Variants in CRACDL observed in about 807,000 individuals in gnomAD.
CRACDL encodes CRACD-like protein.
CRACDL carries 26 observed loss-of-function variants against 70.6 expected under a neutral mutation model. That is an observed-to-expected ratio of 0.37 (90% CI 0.27 to 0.51). The LOEUF (loss-of-function observed/expected upper bound fraction) is 0.51. CRACDL is among the 20% of genes least tolerant of loss of function. The pLI is 0.94. For synonymous variants in CRACDL, 618 were observed against 615.2 expected (o/e 1.00, Z -0.07); for missense variants, 1,283 against 1,376.9 (o/e 0.93, Z 1.08).
chr2:98,925,195 G>C (rs1708884420), intron 1 of CRACDL, among the ~76,000 whole-genome samples: 1 of 152,188 alleles, frequency 6.6e-6, no homozygotes, highest in African/African-American at 2.4e-5. Flanking sequence ...GGACTTCAAG[G>C]AGGAGGAAGG....
intron 1 of CRACDL, among the ~76,000 whole-genome samples, chr2:98,915,443 C>G (rs748521209): frequency 3.3e-5 from 5 of 152,062 alleles, no homozygotes; most frequent in Non-Finnish European, 7.4e-5. Context: ...CCATAGGGAC[C>G]AGGGATGCCC....
intron 1 of CRACDL, among the ~76,000 whole-genome samples, chr2:98,927,661 A>G (rs1708967101): frequency 1.3e-5 from 2 of 152,190 alleles, no homozygotes; most frequent in African/African-American, 4.8e-5. Flanking sequence ...TGCACAAAAC[A>G]TCACAATTTT....
At chr2:98,806,625 C>T (rs1327001305) in intron 7 of CRACDL, among the ~76,000 whole-genome samples, 1 of 152,228 alleles carries the variant, frequency 6.6e-6, no homozygotes, top group Non-Finnish European at 1.5e-5. Flanking sequence ...AGGCAATGAC[C>T]ACTCTACCTC....
At chr2:98,888,028 C>T (rs1308381721) in intron 1 of CRACDL, among the ~76,000 whole-genome samples, 1 of 152,146 alleles carries the variant, frequency 6.6e-6, no homozygotes, top group Non-Finnish European at 1.5e-5. Flanking sequence ...TGCACTGTCA[C>T]TAGATCATTC....
intron 1 of CRACDL, among the ~76,000 whole-genome samples, chr2:98,920,935 C>T (rs955746733): frequency 2.0e-5 from 3 of 152,148 alleles, no homozygotes; most frequent in Admixed American, 2.0e-4. Flanking sequence ...CCTGTTCCTC[C>T]CTGCTCACTC....
intron 2 of CRACDL, among the ~76,000 whole-genome samples, chr2:98,844,805 C>T (rs1217459539): frequency 6.6e-6 from 1 of 152,154 alleles, no homozygotes; most frequent in African/African-American, 2.4e-5. Flanking sequence ...ATAGAAGGCA[C>T]CTTCCTTTAG....
At chr2:98,869,038 C>T (rs540840193) in intron 1 of CRACDL, 44 of 1,268,848 alleles carry the variant, frequency 3.5e-5, no homozygotes, top group Middle Eastern at 4.7e-4. Flanking sequence ...CCCTCCCTCG[C>T]GACTCTCCCC....
At chr2:98,876,044 T>C (rs867377376) in intron 1 of CRACDL, among the ~76,000 whole-genome samples, 10 of 152,332 alleles carry the variant, frequency 6.6e-5, no homozygotes, top group Middle Eastern at 3.4e-3. Flanking sequence ...AACTGGTTTC[T>C]TACACTTGAG....
intron 1 of CRACDL, among the ~76,000 whole-genome samples, chr2:98,912,494 C>A (rs1373242791): frequency 6.6e-6 from 1 of 152,228 alleles, no homozygotes; most frequent in Non-Finnish European, 1.5e-5. Flanking sequence ...TGCGGCTTTG[C>A]AAGGCCTGGT....
intron 1 of CRACDL, among the ~76,000 whole-genome samples, chr2:98,870,778 T>G (rs921710747): frequency 1.3e-5 from 2 of 152,232 alleles, no homozygotes; most frequent in Non-Finnish European, 2.9e-5. Flanking sequence ...TGCTTTCGCC[T>G]GCTCTGGGCA....
At chr2:98,807,203 A>G (rs1178477221) in intron 7 of CRACDL, among the ~76,000 whole-genome samples, 3 of 152,222 alleles carry the variant, frequency 2.0e-5, no homozygotes, top group Admixed American at 6.5e-5. Context: ...ATTTGAACAC[A>G]GACCTCTTGA....
intron 1 of CRACDL, among the ~76,000 whole-genome samples, chr2:98,918,580 T>G (rs1435771807): frequency 7.8e-6 from 1 of 128,118 alleles, no homozygotes; most frequent in Non-Finnish European, 1.6e-5. Flanking sequence ...TTCCCTTTTC[T>G]CCTCATCCAT....
intron 6 of CRACDL, among the ~76,000 whole-genome samples, chr2:98,826,222 G>A (rs1705294993): frequency 6.6e-6 from 1 of 152,218 alleles, no homozygotes; most frequent in Non-Finnish European, 1.5e-5. Flanking sequence ...CACCCAAAGA[G>A]GGGTCTGTCT....
In CRACDL at chr2:98,822,485, G is replaced by A. The variant is rs1430702121; in HGVS notation, c.1788C>T (p.Gly596=). ...GGCCGCTCCTCGCGAGGGGCAGGCGGCCGCTGGCCCGTTCCAGCGGGCGGG... is the reference window on the plus strand; with the variant it reads ...GGCCGCTCCTCGCGAGGGGCAGGCGACCGCTGGCCCGTTCCAGCGGGCGGG... ...GVSRPLERAS[G]RLPLARSGPV... Residue 596 remains glycine, a synonymous_variant, in exon 7 of 10, where the codon GGC becomes GGT. Transcript: ENST00000397899. The surrounding 1 kb of genome is among the most constrained non-coding windows in gnomAD (Gnocchi z 4.9). 4 of 1,465,686 alleles carry A rather than the reference G, an allele frequency of 2.7e-6. No individual in the cohort carries two copies. Among genetic ancestry groups the A allele is most frequent in the African/African-American group, 3.0e-5 (2 of 67,550 alleles). The allele number at this position is 1,465,686 out of a possible 1,614,324, so 90.8% of individuals were successfully genotyped here. A position where few individuals can be genotyped will look rare whatever the true frequency, so the allele number is the denominator to read the frequency against.
intron 7 of CRACDL, among the ~76,000 whole-genome samples, chr2:98,801,348 C>CT (rs1379606250): frequency 6.6e-6 from 1 of 152,200 alleles, no homozygotes; most frequent in African/African-American, 2.4e-5. Flanking sequence ...CCTGAGATTC[C>CT]ACCTGGAGCC....
At chr2:98,796,001 T>C in intron 9 of CRACDL, 119 bp downstream of exon 9, 1 of 869,348 alleles carries the variant, frequency 1.2e-6, no homozygotes, top group Admixed American at 1.8e-5. Flanking sequence ...GTAAGAGCTG[T>C]GTAGAAAACT....
At chr2:98,893,697 C>T (rs1462386684) in intron 1 of CRACDL, among the ~76,000 whole-genome samples, 1 of 152,116 alleles carries the variant, frequency 6.6e-6, no homozygotes, top group Non-Finnish European at 1.5e-5. Context: ...TCTATTGCTT[C>T]TGTAGTGTAT....
At chr2:98,908,269 C>T (rs998054324) in intron 1 of CRACDL, 4 of 152,290 alleles carry the variant, frequency 2.6e-5, no homozygotes, top group African/African-American at 9.6e-5. Context: ...GCTCCGAGGT[C>T]ACCCTCAGGT....
chr2:98,864,340 C>T (rs755701409), intron 1 of CRACDL, among the ~76,000 whole-genome samples: 6 of 152,090 alleles, frequency 3.9e-5, no homozygotes, highest in African/African-American at 1.2e-4. Flanking sequence ...TCCACTTACA[C>T]GAAATGTCCA....
Sources: gnomAD v4.1 joint callset for allele counts (sites outside exome capture counted in the v4.1 genomes callset) on GRCh38, gnomAD v4.1.1 for gene constraint, Gnocchi (gnomAD v3.1) non-coding constraint, MANE v1.5 for transcripts, NCBI Gene and HGNC (gene_info 2026-07-23, HGNC 2026-07-21) for gene names.